The following PDE11A variants were observed in gnomAD, a reference collection of about 807,000 sequenced individuals.
PDE11A encodes the protein dual 3',5'-cyclic-AMP and -GMP phosphodiesterase 11A.
Under a neutral mutation model 100.5 loss-of-function variants are expected in PDE11A, and 100 were observed. That is an observed-to-expected ratio of 1.00 (90% CI 0.85 to 1.18). PDE11A has a LOEUF of 1.18. PDE11A is among the 50% of genes most tolerant of loss of function. The pLI, the probability that PDE11A is intolerant of heterozygous loss-of-function variation, is 0.00. For missense variants in PDE11A, 1,141 were observed against 1,152.6 expected (o/e 0.99, Z 0.15); for synonymous variants, 381 against 420.8 (o/e 0.91, Z 1.16).
intron 12 of PDE11A, among the ~76,000 whole-genome samples, chr2:177,715,112 T>G (rs2081417628): frequency 1.3e-5 from 2 of 152,224 alleles, no homozygotes; most frequent in South Asian, 4.1e-4. Flanking sequence ...ACTGGAGGAG[T>G]TGGTTGTTTT....
chr2:177,717,780 A>G (rs1343310703), intron 12 of PDE11A, among the ~76,000 whole-genome samples: 1 of 152,202 alleles, frequency 6.6e-6, no homozygotes, highest in Non-Finnish European at 1.5e-5. Context: ...TATAATAACT[A>G]GAACTCCAAA....
chr2:177,880,884 G>T (rs930506599), intron 4 of PDE11A, among the ~76,000 whole-genome samples: 1 of 152,136 alleles, frequency 6.6e-6, no homozygotes, highest in Non-Finnish European at 1.5e-5. Context: ...AATAAATAAG[G>T]TCTCTAACCT....
intron 1 of PDE11A, among the ~76,000 whole-genome samples, chr2:178,052,107 T>C (rs2086836255): frequency 6.6e-6 from 1 of 152,182 alleles, no homozygotes; most frequent in Admixed American, 6.6e-5. Context: ...GACCACATAG[T>C]TGGAAGTACA....
chr2:177,690,722 C>T (rs916164744), intron 15 of PDE11A, among the ~76,000 whole-genome samples: 1 of 133,530 alleles, frequency 7.5e-6, no homozygotes, highest in African/African-American at 2.7e-5. Context: ...AGAGAGGTGG[C>T]AAATTTTCAA....
At chr2:178,073,268 A>G (rs2087163118), upstream of PDE11A, among the ~76,000 whole-genome samples, 1 of 152,152 alleles carries the variant, frequency 6.6e-6, no homozygotes, top group Non-Finnish European at 1.5e-5. Context: ...GCTCACTAAC[A>G]CTGCCCAGCG....
chr2:178,098,512 G>C (rs767168511), intron 2 of PDE11A, among the ~76,000 whole-genome samples: 2 of 152,114 alleles, frequency 1.3e-5, no homozygotes, highest in Non-Finnish European at 2.9e-5. Flanking sequence ...AAATATTTTG[G>C]CTTTCTCATC....
chr2:177,749,501 T>C (rs571966459), intron 10 of PDE11A, among the ~76,000 whole-genome samples: 1 of 152,328 alleles, frequency 6.6e-6, no homozygotes, highest in South Asian at 2.1e-4. Context: ...TCCAAAGTTA[T>C]TCTTTCCTTT....
Position 177,626,923 on chromosome 2 carries a change from C to CTTTTTT in PDE11A, c.*2483_*2484insAAAAAA, listed in dbSNP as rs2079842248. 1 of 137,862 alleles carries CTTTTTT rather than the reference C, an allele frequency of 7.3e-6. No homozygotes were observed. Among genetic ancestry groups the CTTTTTT allele is most frequent in the African/African-American group, 2.7e-5 (1 of 37,284 alleles). 8.5% of individuals were successfully genotyped at this position (137,862 alleles called of 1,614,324 possible). Reference sequence around the variant, plus strand: ...CCTTTTTTTTTTTTTTTTCATTTCCCTTAACCACCTGTCTCGGTCCCTGTC... The same window carrying CTTTTTT: ...CCTTTTTTTTTTTTTTTTCATTTCCCTTTTTTTTAACCACCTGTCTCGGTCCCTGTC... On this transcript the variant is annotated 3_prime_UTR_variant, in exon 20 of 20. Transcript: ENST00000286063.
At chr2:178,018,262 T>C (rs1222783549) in intron 1 of PDE11A, 1 of 417,884 alleles carries the variant, frequency 2.4e-6, no homozygotes, top group Admixed American at 2.7e-5. Context: ...TGCGATGGAC[T>C]ACTCCCTGGC....
chr2:177,824,283 T>A (rs2083193282), intron 6 of PDE11A, among the ~76,000 whole-genome samples: 1 of 152,190 alleles, frequency 6.6e-6, no homozygotes, highest in Non-Finnish European at 1.5e-5. Flanking sequence ...GAGATACCAA[T>A]CTTGGAGTCA....
chr2:178,079,276 G>A (rs908803161), intron 2 of PDE11A, among the ~76,000 whole-genome samples: 5 of 151,898 alleles, frequency 3.3e-5, no homozygotes, highest in Non-Finnish European at 5.9e-5. Flanking sequence ...GCTATTTTTC[G>A]GGCTGCTCTC....
chr2:178,035,484 C>T (rs1187410273), intron 1 of PDE11A, among the ~76,000 whole-genome samples: 1 of 152,176 alleles, frequency 6.6e-6, no homozygotes, highest in East Asian at 1.9e-4. Flanking sequence ...TGAAACTATT[C>T]CAATCAATAG....
intron 1 of PDE11A, among the ~76,000 whole-genome samples, chr2:178,031,116 C>T (rs1035595762): frequency 1.8e-4 from 28 of 152,068 alleles, no homozygotes; most frequent in African/African-American, 6.8e-4. Context: ...TAATAAAACT[C>T]TGCATTCTCT....
At chr2:178,047,111 T>G (rs762015520) in intron 1 of PDE11A, among the ~76,000 whole-genome samples, 1 of 152,068 alleles carries the variant, frequency 6.6e-6, no homozygotes, top group Non-Finnish European at 1.5e-5. Flanking sequence ...TATCCTTTAT[T>G]GCAGTTGATG....
intron 2 of PDE11A, among the ~76,000 whole-genome samples, chr2:177,993,812 C>T (rs934267540): frequency 6.6e-6 from 1 of 152,066 alleles, no homozygotes; most frequent in African/African-American, 2.4e-5. Flanking sequence ...ACAAGACAGA[C>T]TGCAGTTACC....
chr2:177,727,262 G>C (rs1053654303), intron 12 of PDE11A, among the ~76,000 whole-genome samples: 7 of 151,982 alleles, frequency 4.6e-5, no homozygotes, highest in Non-Finnish European at 8.8e-5. Flanking sequence ...ATATTCCTGC[G>C]GGTGATGTTC....
Position 178,080,689 on chromosome 2 carries a change from T to G in PDE11A, c.162+23613A>C, listed in dbSNP as rs180939732. 1.8e-3 allele frequency among the ~76,000 whole-genome samples: 268 copies of G among 152,282 alleles called. 1 individual carries two copies. The highest frequency in any genetic ancestry group is 3.2e-3 in the Non-Finnish European group (215 of 68,006). On this transcript the variant is annotated intron_variant, in intron 2 of 20. Coordinates refer to the PDE11A transcript ENST00000358450. ...TTTTACATTTCTTATAGGAAAAATT[T>G]TATAAAATTAGAATATAAATGCCTT...
At chr2:177,997,484 T>A (rs1309021856) in intron 2 of PDE11A, 2 of 812,162 alleles carry the variant, frequency 2.5e-6, no homozygotes, top group Admixed American at 3.4e-5. Context: ...GTGGAAGAGA[T>A]CCTTGATTAA....
intron 15 of PDE11A, among the ~76,000 whole-genome samples, chr2:177,681,820 G>A (rs940766791): frequency 3.9e-5 from 6 of 152,156 alleles, no homozygotes; most frequent in Non-Finnish European, 8.8e-5. Flanking sequence ...GACTGACAAA[G>A]CAGACACTTT....
Sources: allele counts gnomAD v4.1 joint callset (sites outside exome capture counted in the v4.1 genomes callset), GRCh38; gene constraint gnomAD v4.1.1; transcripts MANE v1.5; gene names NCBI Gene and HGNC (gene_info 2026-07-23, HGNC 2026-07-21).